Variants in PCOLCE2 observed in about 807,000 individuals in gnomAD.
PCOLCE2 encodes the protein procollagen C-endopeptidase enhancer 2.
Under a neutral mutation model 47.0 loss-of-function variants are expected in PCOLCE2, and 42 were observed. The ratio of observed to expected loss-of-function variants is 0.89; its 90% CI spans 0.70 to 1.16. The LOEUF (loss-of-function observed/expected upper bound fraction) is 1.16. Among genes scored for constraint, PCOLCE2 ranks in the 50% most tolerant of loss-of-function variants. PCOLCE2 has a pLI of 0.00. For synonymous variants in PCOLCE2, 169 were observed against 191.7 expected (o/e 0.88, Z 0.98); for missense variants, 500 against 526.1 (o/e 0.95, Z 0.49).
At position 142,876,509 on chromosome 3, in the gene PCOLCE2, AATG is replaced by A. The variant is rs1282288013; in HGVS notation, c.192+11157_192+11159del. 2.0e-5 allele frequency among the ~76,000 whole-genome samples: 3 copies of A among 152,238 alleles called. No individual in the cohort carries two copies. In the East Asian group the frequency reaches 5.8e-4, roughly 29 times the overall value. ...CCCAAATTTAGTGGCTTAAAATAAT[AATG>A]TACTCTTATTTGTTATGGTTCTGTG... On this transcript the variant is annotated intron_variant, in intron 2 of 8. Coordinates refer to ENST00000295992, the MANE Select transcript of PCOLCE2 (RefSeq NM_013363.4).
chr3:142,819,722 T>A (rs1242666710), intron 8 of PCOLCE2, among the ~76,000 whole-genome samples: 1 of 152,308 alleles, frequency 6.6e-6, no homozygotes, highest in South Asian at 2.1e-4. Context: ...CATGACTCAC[T>A]GCAGACTCGA....
At chr3:142,866,010 C>A (rs1933275960) in intron 2 of PCOLCE2, among the ~76,000 whole-genome samples, 1 of 152,154 alleles carries the variant, frequency 6.6e-6, no homozygotes, top group Non-Finnish European at 1.5e-5. Flanking sequence ...CACATATAAT[C>A]TTTGGCAAAG....
At chr3:142,857,139 G>A (rs546771789) in intron 2 of PCOLCE2, among the ~76,000 whole-genome samples, 4 of 152,308 alleles carry the variant, frequency 2.6e-5, no homozygotes, top group African/African-American at 9.6e-5. Context: ...ACCAGCTGGT[G>A]CGAGCCTGGT....
At chr3:142,860,940 A>G (rs1208874224) in intron 2 of PCOLCE2, among the ~76,000 whole-genome samples, 3 of 152,174 alleles carry the variant, frequency 2.0e-5, no homozygotes, top group East Asian at 1.9e-4. Context: ...AGGAACCCCC[A>G]TTCCCAGGGC....
intron 2 of PCOLCE2, among the ~76,000 whole-genome samples, chr3:142,876,794 T>C (rs551606829): frequency 3.1e-4 from 47 of 152,334 alleles, no homozygotes; most frequent in East Asian, 9.7e-4. Context: ...CAGCTTCTTA[T>C]GTTCTTGCCC....
rs35383176 is a variant in PCOLCE2, at chr3:142,863,096, C to CAAAAAAAAAAAAAAAAAAAAAAAAA, written c.193-14625_193-14624insTTTTTTTTTTTTTTTTTTTTTTTTT. ...TATCAATACTTATCAGTCTGGCAGG[C>CAAAAAAAAAAAAAAAAAAAAAAAAA]AAAAAAAAAAAAAAAAAAAAAAAGA... On this transcript the variant is annotated intron_variant, in intron 2 of 8. Transcript: ENST00000295992. Among the ~76,000 whole-genome samples, 2 of 85,992 alleles carry CAAAAAAAAAAAAAAAAAAAAAAAAA rather than the reference C, an allele frequency of 2.3e-5. 1 individual carries two copies. The highest frequency in any genetic ancestry group is 4.5e-5 in the Non-Finnish European group (2 of 44,926). The allele number at this position is 85,992 out of a possible 152,430, so 56.4% of individuals were successfully genotyped here. A position where few individuals can be genotyped will look rare whatever the true frequency, so the allele number is the denominator to read the frequency against.
intron 2 of PCOLCE2, among the ~76,000 whole-genome samples, chr3:142,871,882 A>C (rs1036402251): frequency 6.6e-6 from 1 of 152,180 alleles, no homozygotes; most frequent in Admixed American, 6.5e-5. Flanking sequence ...AAACATTTAT[A>C]TATCTACATC....
intron 8 of PCOLCE2, among the ~76,000 whole-genome samples, chr3:142,818,950 C>G (rs1936982837): frequency 6.6e-6 from 1 of 152,202 alleles, no homozygotes; most frequent in African/African-American, 2.4e-5. Context: ...CCTCGAGGGG[C>G]CTCCAGGGCT....
At position 142,835,986 on chromosome 3, in the gene PCOLCE2, T is replaced by C. The variant is rs563916744; in HGVS notation, c.710+2784A>G. ...TATTTCTCATTTTTTCTTTTCTTACTTTCTTTTGCACTGAATTTTTTGTCA... is the reference window on the plus strand; with the variant it reads ...TATTTCTCATTTTTTCTTTTCTTACCTTCTTTTGCACTGAATTTTTTGTCA... On this transcript the variant is annotated intron_variant, in intron 5 of 8. Coordinates refer to ENST00000295992, the MANE Select transcript of PCOLCE2 (RefSeq NM_013363.4). Among the ~76,000 whole-genome samples, 6 of 136,342 alleles carry C rather than the reference T, an allele frequency of 4.4e-5. No individual in the cohort carries two copies. In the South Asian group the frequency reaches 1.1e-3, roughly 25 times the overall value. 89.4% of individuals were successfully genotyped at this position (136,342 alleles called of 152,430 possible). A position where few individuals can be genotyped will look rare whatever the true frequency, so the allele number is the denominator to read the frequency against.
intron 3 of PCOLCE2, 101 bp from the exon 4 acceptor site, chr3:142,843,149 G>A (rs1937284762): frequency 7.7e-6 from 9 of 1,166,336 alleles, no homozygotes; most frequent in Non-Finnish European, 1.2e-5. Flanking sequence ...TGAGAGTACA[G>A]TAAATAAAGG....
chr3:142,822,631 A>G lies in PCOLCE2; in HGVS notation c.949+901T>C, dbSNP rs1937028061. On this transcript the variant is annotated intron_variant, in intron 7 of 8. Transcript: ENST00000295992. ...CCTGAAGCACCTCCTACAGAAGAGTAAACTGGATGTGGTAGCAATTACATG... is the reference window on the plus strand; with the variant it reads ...CCTGAAGCACCTCCTACAGAAGAGTGAACTGGATGTGGTAGCAATTACATG... Among the ~76,000 whole-genome samples, 3 of 152,220 alleles carry G rather than the reference A, an allele frequency of 2.0e-5. No individual in the cohort carries two copies. The South Asian group carries it at 6.2e-4, about 32-fold the overall frequency.
chr3:142,840,110 T>C (rs1018239615), intron 4 of PCOLCE2, among the ~76,000 whole-genome samples: 1 of 152,226 alleles, frequency 6.6e-6, no homozygotes, highest in Non-Finnish European at 1.5e-5. Flanking sequence ...GTGGAATTGA[T>C]GGCAGTGTCT....
intron 2 of PCOLCE2, among the ~76,000 whole-genome samples, chr3:142,882,260 T>C (rs780636579): frequency 3.3e-5 from 5 of 152,108 alleles, no homozygotes; most frequent in African/African-American, 7.2e-5. Flanking sequence ...TCTTGAACTC[T>C]GATCTTGAAC....
chr3:142,883,389 C>T (rs1381456606), intron 2 of PCOLCE2, among the ~76,000 whole-genome samples: 3 of 151,980 alleles, frequency 2.0e-5, no homozygotes, highest in Admixed American at 6.5e-5. Flanking sequence ...AATAGAGTTG[C>T]TTTCACAAGG....
intron 2 of PCOLCE2, among the ~76,000 whole-genome samples, chr3:142,871,088 A>G (rs1933379282): frequency 6.6e-6 from 1 of 152,182 alleles, no homozygotes; most frequent in South Asian, 2.1e-4. Context: ...TGTACAGTTG[A>G]TTGCATCTTC....
At chr3:142,841,889 C>G (rs1044541760) in intron 4 of PCOLCE2, among the ~76,000 whole-genome samples, 1 of 152,066 alleles carries the variant, frequency 6.6e-6, no homozygotes, top group Admixed American at 6.5e-5. Context: ...ATAAAGTTAT[C>G]TTTAAAGGTC....
rs555279303 is a variant in PCOLCE2 at position 142,830,847 on chromosome 3, G to T, written c.711-1001C>A. ...ATTTAAATGAATTAACCAGTGGTCT[G>T]ACTGAACACCTTTTTGAGACATCTT... On this transcript the variant is annotated intron_variant, in intron 5 of 8. Transcript: ENST00000295992. Among the ~76,000 whole-genome samples the T allele has an allele frequency of 4.6e-5, 7 of 152,348 alleles. No individual in the cohort carries two copies. The East Asian group carries it at 1.4e-3, about 29-fold the overall frequency.
At chr3:142,828,911 T>C (rs34332506) in intron 6 of PCOLCE2, among the ~76,000 whole-genome samples, 31,897 of 152,208 alleles carry the variant, frequency 0.21, 3,898 homozygotes, top group Non-Finnish European at 0.28. Context: ...AAGGAAACGT[T>C]AGACCCAGAG....
Position 142,842,860 on chromosome 3 carries a change from G to C in PCOLCE2, c.573+64C>G. On this transcript the variant is annotated intron_variant, in intron 4 of 8. Coordinates refer to ENST00000295992, the MANE Select transcript of PCOLCE2 (RefSeq NM_013363.4). The surrounding 1 kb of genome is among the most constrained non-coding windows in gnomAD (Gnocchi z 4.1). Reference sequence around the variant, plus strand: ...CACAACAGGAGGCTCTTGAGAGTTGGTGGGCCCCCCACACTGGGCAATTCA... The same window carrying C: ...CACAACAGGAGGCTCTTGAGAGTTGCTGGGCCCCCCACACTGGGCAATTCA... 2 of 1,558,296 alleles carry C rather than the reference G, an allele frequency of 1.3e-6. No individual in the cohort carries two copies. Among genetic ancestry groups the C allele is most frequent in the Non-Finnish European group, 1.8e-6 (2 of 1,135,204 alleles).
Sources: gnomAD v4.1 joint callset for allele counts (sites outside exome capture counted in the v4.1 genomes callset) on GRCh38, gnomAD v4.1.1 for gene constraint, Gnocchi (gnomAD v3.1) non-coding constraint, MANE v1.5 for transcripts, NCBI Gene and HGNC (gene_info 2026-07-23, HGNC 2026-07-21) for gene names.